Variants in MACROD2 observed in about 807,000 individuals in gnomAD.
The protein encoded by MACROD2 is mono-ADP ribosylhydrolase 2.
Under a neutral mutation model 70.4 loss-of-function variants are expected in MACROD2, and 36 were observed. That is an observed-to-expected ratio of 0.51 (90% confidence interval 0.39 to 0.68). The LOEUF (loss-of-function observed/expected upper bound fraction) is 0.68, where lower values mean the gene tolerates loss of function less well. Ranked by LOEUF, MACROD2 falls within the 30% of genes least tolerant of loss-of-function variation. The pLI is 0.00. For missense variants in MACROD2, 496 were observed against 538.4 expected, an observed-to-expected ratio of 0.92 and a Z score of 0.78; for synonymous variants, 172 against 178.8, an observed-to-expected ratio of 0.96 and a Z score of 0.30.
At chr20:14,975,559 G>T (rs910411428) in intron 5 of MACROD2, among the ~76,000 whole-genome samples, 1 of 152,052 alleles carries the variant, frequency 6.6e-6, no homozygotes, top group African/African-American at 2.4e-5. Context: ...TCAGATGAGG[G>T]GAGGAAAGCA....
intron 4 of MACROD2, among the ~76,000 whole-genome samples, chr20:14,588,622 C>T (rs1157024869): frequency 1.3e-5 from 2 of 152,136 alleles, no homozygotes; most frequent in Non-Finnish European, 2.9e-5. Context: ...ACTTCCCTGC[C>T]TCAGCCTCCC....
intron 4 of MACROD2, among the ~76,000 whole-genome samples, chr20:14,606,925 G>T (rs941232928): frequency 2.6e-5 from 4 of 152,148 alleles, no homozygotes; most frequent in Non-Finnish European, 5.9e-5. Flanking sequence ...CATGTGGGAA[G>T]AAATGGATGA....
intron 8 of MACROD2, among the ~76,000 whole-genome samples, chr20:15,505,865 C>T (rs1442700658): frequency 1.3e-5 from 2 of 152,040 alleles, no homozygotes; most frequent in Admixed American, 6.6e-5. Context: ...GGTCTTTGCC[C>T]GACATAATTT....
intron 3 of MACROD2, among the ~76,000 whole-genome samples, chr20:14,316,990 A>G (rs1018302886): frequency 6.6e-6 from 1 of 152,042 alleles, no homozygotes; most frequent in Admixed American, 6.6e-5. Context: ...TCTTTCTTTT[A>G]TGCTAGAATG....
intron 3 of MACROD2, among the ~76,000 whole-genome samples, chr20:14,109,545 T>C (rs1268706981): frequency 6.6e-6 from 1 of 151,484 alleles, no homozygotes; most frequent in Non-Finnish European, 1.5e-5. Flanking sequence ...ATAAATAAAA[T>C]CAGAGATGAA....
At chr20:14,457,036 T>G (rs2084311624) in intron 3 of MACROD2, among the ~76,000 whole-genome samples, 1 of 152,006 alleles carries the variant, frequency 6.6e-6, no homozygotes, top group Non-Finnish European at 1.5e-5. Context: ...CGCCTCTACT[T>G]TTACTATCCT....
intron 9 of MACROD2, among the ~76,000 whole-genome samples, 158 bp from the exon 10 acceptor site, chr20:15,885,606 A>G (rs2064811796): frequency 6.6e-6 from 1 of 152,162 alleles, no homozygotes; most frequent in African/African-American, 2.4e-5. Flanking sequence ...TTAACTTAGC[A>G]TGATAATAAT....
intron 8 of MACROD2, among the ~76,000 whole-genome samples, chr20:15,817,569 G>T (rs1283487991): frequency 1.3e-5 from 2 of 152,126 alleles, no homozygotes; most frequent in Non-Finnish European, 2.9e-5. Context: ...ACATACCATT[G>T]TTCACCATGC....
intron 5 of MACROD2, among the ~76,000 whole-genome samples, chr20:14,831,595 A>T (rs1356562128): frequency 6.6e-6 from 1 of 151,566 alleles, no homozygotes; most frequent in Non-Finnish European, 1.5e-5. Flanking sequence ...CCTGGCCAAC[A>T]TGGCGAAACC....
intron 12 of MACROD2, among the ~76,000 whole-genome samples, chr20:15,966,802 T>C (rs6135620): frequency 0.087 from 13,190 of 152,222 alleles, 699 homozygotes; most frequent in East Asian, 0.24. Flanking sequence ...GAGACCTACT[T>C]GCTGTCTTCC....
chr20:15,793,396 A>G (rs988099102), intron 8 of MACROD2, among the ~76,000 whole-genome samples: 1 of 152,190 alleles, frequency 6.6e-6, no homozygotes, highest in East Asian at 1.9e-4. Context: ...CTCTATGGAG[A>G]GGAACTAGGC....
chr20:15,042,812 A>G (rs1036443303), intron 5 of MACROD2, among the ~76,000 whole-genome samples: 1 of 152,208 alleles, frequency 6.6e-6, no homozygotes, highest in Non-Finnish European at 1.5e-5. Context: ...CCTAGATTGT[A>G]TCTTGCAAAT....
intron 4 of MACROD2, among the ~76,000 whole-genome samples, chr20:14,569,356 T>G (rs543412745): frequency 9.9e-5 from 15 of 152,184 alleles, no homozygotes; most frequent in African/African-American, 3.1e-4. Context: ...AATTTCACAT[T>G]ATATTGCTTT....
chr20:15,125,489 C>T (rs1310701955), intron 5 of MACROD2, among the ~76,000 whole-genome samples: 1 of 152,044 alleles, frequency 6.6e-6, no homozygotes, highest in Non-Finnish European at 1.5e-5. Flanking sequence ...CAACATTTAT[C>T]AAATACTTAT....
intron 6 of MACROD2, among the ~76,000 whole-genome samples, chr20:15,341,417 G>A (rs1298967314): frequency 6.6e-6 from 1 of 152,120 alleles, no homozygotes; most frequent in Non-Finnish European, 1.5e-5. Context: ...ATAAGCCAAA[G>A]ACTACCCCAT....
chr20:14,325,911 G>A, intron 3 of MACROD2: 1 of 1,613,962 alleles, frequency 6.2e-7, no homozygotes, highest in Non-Finnish European at 8.5e-7. Context: ...CCCCACCAAT[G>A]ATGGCAGCCA....
intron 5 of MACROD2, among the ~76,000 whole-genome samples, chr20:15,110,221 TGAG>T (rs1321516222): frequency 1.3e-5 from 2 of 152,112 alleles, no homozygotes; most frequent in Admixed American, 1.3e-4. Context: ...AGAAAGAACT[TGAG>T]GAGATCTGTT....
chr20:14,215,337 TACACACACAC>T (rs199684417), intron 3 of MACROD2, among the ~76,000 whole-genome samples: 54 of 131,090 alleles, frequency 4.1e-4, no homozygotes, highest in South Asian at 2.1e-3. Context: ...CCATCATATA[TACACACACAC>T]ACACACACAC....
intron 3 of MACROD2, among the ~76,000 whole-genome samples, chr20:14,279,601 G>T (rs2082288472): frequency 6.6e-6 from 1 of 152,168 alleles, no homozygotes; most frequent in South Asian, 2.1e-4. Context: ...TCTCAGAGAG[G>T]CTTGTAACTT....
Sources: allele counts gnomAD v4.1 joint callset (sites outside exome capture counted in the v4.1 genomes callset), GRCh38; gene constraint gnomAD v4.1.1; transcripts MANE v1.5; gene names NCBI Gene and HGNC (gene_info 2026-07-23, HGNC 2026-07-21).